The following PRR16 variants were observed in gnomAD, a reference collection of about 807,000 sequenced individuals.
PRR16 encodes proline rich 16.
PRR16 carries 6 observed loss-of-function variants against 18.2 expected under a neutral mutation model. That is an observed-to-expected ratio of 0.33 (90% CI 0.18 to 0.65). The LOEUF (loss-of-function observed/expected upper bound fraction) is 0.65. Among genes scored for constraint, PRR16 ranks in the 30% least tolerant of loss-of-function variants. The pLI is 0.74. For missense variants in PRR16, 412 were observed against 376.6 expected (o/e 1.09, Z -0.78); for synonymous variants, 151 against 147.8 (o/e 1.02, Z -0.16).
At chr5:120,648,170 G>T (rs1755658370) in intron 1 of PRR16, among the ~76,000 whole-genome samples, 1 of 152,062 alleles carries the variant, frequency 6.6e-6, no homozygotes, top group African/African-American at 2.4e-5. Context: ...GTAGTCACTA[G>T]ATGTTTTTAA....
chr5:120,761,407 C>T, the PRR16 span, among the ~76,000 whole-genome samples: 2 of 152,006 alleles, frequency 1.3e-5, no homozygotes, highest in East Asian at 1.9e-4. Context: ...GCAAAACTAC[C>T]CCTAGACTAT....
At chr5:120,618,438 A>G in intron 1 of PRR16, 5 of 960,636 alleles carry the variant, frequency 5.2e-6, no homozygotes, top group Non-Finnish European at 6.2e-6. Context: ...CTGTTTTTTA[A>G]CAGTTTGTTA....
At chr5:120,483,683 T>C (rs1749695686) in intron 1 of PRR16, among the ~76,000 whole-genome samples, 3 of 152,156 alleles carry the variant, frequency 2.0e-5, no homozygotes, top group South Asian at 4.1e-4. Context: ...CTTTAGCCTA[T>C]AGTAAATTCA....
the PRR16 span, among the ~76,000 whole-genome samples, chr5:120,778,907 G>A: frequency 6.6e-6 from 1 of 152,086 alleles, no homozygotes; most frequent in African/African-American, 2.4e-5. Context: ...GGGAAGTATT[G>A]TTATTACTTG....
At chr5:120,760,301 T>C in the PRR16 span, among the ~76,000 whole-genome samples, 1 of 152,182 alleles carries the variant, frequency 6.6e-6, no homozygotes, top group Non-Finnish European at 1.5e-5. Flanking sequence ...ATAAATATGG[T>C]GACATATAGA....
At position 120,600,101 on chromosome 5, in the gene PRR16, T is replaced by A. The variant is rs151113600; in HGVS notation, c.160-85853T>A. Among the ~76,000 whole-genome samples the A allele has an allele frequency of 2.0e-4, 31 of 152,018 alleles. No homozygotes were observed. In the East Asian group the frequency reaches 6.0e-3, roughly 29 times the overall value. On this transcript the variant is annotated intron_variant, in intron 1 of 1. Coordinates refer to ENST00000407149, the MANE Select transcript of PRR16 (RefSeq NM_001300783.2). ...TTCGGCTCATCAATTATCTTTTCTG[T>A]TATGATTCCATTTCAGGGAAATGCT...
chr5:120,521,976 C>T (rs933615776), intron 1 of PRR16, among the ~76,000 whole-genome samples: 2 of 152,254 alleles, frequency 1.3e-5, no homozygotes, highest in Admixed American at 1.3e-4. Context: ...CCAGCTTCAT[C>T]CATATCCCTA....
intron 1 of PRR16, among the ~76,000 whole-genome samples, chr5:120,648,512 T>C (rs974978130): frequency 5.3e-5 from 8 of 152,146 alleles, no homozygotes; most frequent in African/African-American, 1.9e-4. Context: ...GCCTGAGAGA[T>C]GGCTGTTTGG....
chr5:120,747,678 T>G, the PRR16 span, among the ~76,000 whole-genome samples: 1 of 151,936 alleles, frequency 6.6e-6, no homozygotes, highest in Non-Finnish European at 1.5e-5. Flanking sequence ...AAGCAAGAGG[T>G]ACATGTAGAA....
At chr5:120,501,100 T>G (rs1185156402) in intron 1 of PRR16, among the ~76,000 whole-genome samples, 1 of 152,150 alleles carries the variant, frequency 6.6e-6, no homozygotes, top group Non-Finnish European at 1.5e-5. Context: ...AGCATAAAGT[T>G]TTTTAATTTA....
At chr5:120,495,891 A>G (rs548430872) in intron 1 of PRR16, among the ~76,000 whole-genome samples, 1 of 151,748 alleles carries the variant, frequency 6.6e-6, no homozygotes, top group East Asian at 1.9e-4. Flanking sequence ...TTTTGGGGGG[A>G]ATGTGTTTAT....
chr5:120,557,726 C>T (rs1186867554), intron 1 of PRR16, among the ~76,000 whole-genome samples: 1 of 151,814 alleles, frequency 6.6e-6, no homozygotes, highest in African/African-American at 2.4e-5. Flanking sequence ...CATTACATTT[C>T]AATCCATTAA....
intron 1 of PRR16, among the ~76,000 whole-genome samples, chr5:120,579,739 T>C (rs1007323355): frequency 1.3e-5 from 2 of 152,204 alleles, no homozygotes; most frequent in Non-Finnish European, 2.9e-5. Flanking sequence ...TTTAATTCCA[T>C]ATGAAATTTA....
At chr5:120,471,575 G>T (rs1031173169) in intron 1 of PRR16, among the ~76,000 whole-genome samples, 7 of 151,892 alleles carry the variant, frequency 4.6e-5, no homozygotes, top group African/African-American at 1.2e-4. Context: ...ATTATAATTC[G>T]ATTTCTTGTA....
At chr5:120,734,698 C>T in the PRR16 span, among the ~76,000 whole-genome samples, 1 of 152,116 alleles carries the variant, frequency 6.6e-6, no homozygotes, top group Non-Finnish European at 1.5e-5. Context: ...TAGCATATTT[C>T]TGCTAGTAGA....
At chr5:120,584,317 A>C (rs1199857148) in intron 1 of PRR16, among the ~76,000 whole-genome samples, 1 of 152,172 alleles carries the variant, frequency 6.6e-6, no homozygotes, top group Non-Finnish European at 1.5e-5. Flanking sequence ...GGAGTTTTTA[A>C]AAGAGGACAT....
chr5:120,786,677 A>G, the PRR16 span, among the ~76,000 whole-genome samples: 2 of 151,540 alleles, frequency 1.3e-5, no homozygotes, highest in Non-Finnish European at 2.9e-5. Context: ...ATAAATATAT[A>G]ATTATGAGAC....
chr5:120,624,078 A>T (rs17146863), intron 1 of PRR16, among the ~76,000 whole-genome samples: 12,481 of 152,196 alleles, frequency 0.082, 630 homozygotes, highest in East Asian at 0.099. Context: ...AAGATTTTTC[A>T]CAGTGGGGTA....
At chr5:120,697,478 A>C in the PRR16 span, among the ~76,000 whole-genome samples, 1 of 152,254 alleles carries the variant, frequency 6.6e-6, no homozygotes. Context: ...ACACAAAGTT[A>C]CATGAGTTTT....
Sources: allele counts gnomAD v4.1 joint callset (sites outside exome capture counted in the v4.1 genomes callset), GRCh38; gene constraint gnomAD v4.1.1; transcripts MANE v1.5; gene names NCBI Gene and HGNC (gene_info 2026-07-23, HGNC 2026-07-21).